MYO15A: variants seen among roughly 807,000 people sequenced by gnomAD.
MYO15A encodes unconventional myosin-XV.
A neutral mutation model predicts 394.6 loss-of-function variants in MYO15A; 308 were observed. That is an observed-to-expected ratio of 0.78 (90% CI 0.71 to 0.86). MYO15A has a LOEUF of 0.86. MYO15A is among the 40% of genes least tolerant of loss of function. The pLI, the probability that MYO15A is intolerant of heterozygous loss-of-function variation, is 0.00. For synonymous variants in MYO15A, 1,957 were observed against 2,003.8 expected (o/e 0.98, Z 0.62); for missense variants, 4,606 against 4,799.1 (o/e 0.96, Z 1.19).
intron 51 of MYO15A, 27 bp from the exon 52 acceptor site, chr17:18,158,496 G>A: frequency 6.2e-7 from 1 of 1,603,104 alleles, no homozygotes; most frequent in Non-Finnish European, 8.5e-7. Context: ...GCCGGACTGG[G>A]CCTTCCTAGC....
At chr17:18,151,320 T>C in intron 39 of MYO15A, 30 bp downstream of exon 39, 1 of 1,614,202 alleles carries the variant, frequency 6.2e-7, no homozygotes, top group Non-Finnish European at 8.5e-7. Flanking sequence ...CTCTGGGGCT[T>C]CCCAGGACAG....
chr17:18,110,358 A>G (rs575689779), intron 1 of MYO15A: 3 of 152,334 alleles, frequency 2.0e-5, no homozygotes, highest in Non-Finnish European at 4.4e-5. Flanking sequence ...CATGTGAGGC[A>G]GTGGTTGAGA....
rs964412600 is a variant in MYO15A, at chr17:18,179,052, A to T, written c.*182A>T. 1.5e-6 allele frequency: 1 copy of T among 661,780 alleles called. No individual in the cohort carries two copies. The highest frequency in any genetic ancestry group is 2.3e-5 in the Admixed American group (1 of 42,732). The allele number at this position is 661,780 out of a possible 1,614,324, so 41.0% of individuals were successfully genotyped here. ...ACAAGAAGACCCATCCTGAACTGGG[A>T]TGGAATGGCAGCATGCAAACTTGGA... is the stretch of plus-strand genomic sequence containing the variant. On this transcript the variant is annotated 3_prime_UTR_variant, in exon 66 of 66. Coordinates refer to ENST00000647165, the MANE Select transcript of MYO15A (RefSeq NM_016239.4).
intron 12 of MYO15A, among the ~76,000 whole-genome samples, chr17:18,135,429 C>A (rs2046246543): frequency 6.6e-6 from 1 of 152,034 alleles, no homozygotes; most frequent in African/African-American, 2.4e-5. Context: ...ACAACCTCCA[C>A]CTCCCGGGTT....
intron 13 of MYO15A, 40 bp downstream of exon 13, chr17:18,135,864 A>C: frequency 6.4e-7 from 1 of 1,567,492 alleles, no homozygotes; most frequent in Non-Finnish European, 8.7e-7. Flanking sequence ...AAAGCTTTCT[A>C]CCAGGGCCTG....
At chr17:18,141,543 C>A in intron 22 of MYO15A, 110 bp from the exon 23 acceptor site, 1 of 1,020,522 alleles carries the variant, frequency 9.8e-7, no homozygotes, top group Non-Finnish European at 1.6e-6. Flanking sequence ...TGTGGAGCCA[C>A]CACTGGGACC....
intron 17 of MYO15A, among the ~76,000 whole-genome samples, 179 bp from the exon 18 acceptor site, chr17:18,138,628 GCCTC>G (rs1381944285): frequency 6.6e-6 from 1 of 152,210 alleles, no homozygotes; most frequent in African/African-American, 2.4e-5. Flanking sequence ...GACCACTCAG[GCCTC>G]CAGTGCCTAG....
intron 18 of MYO15A, chr17:18,139,291 C>G: frequency 1.6e-6 from 1 of 618,902 alleles, no homozygotes; most frequent in Non-Finnish European, 3.0e-6. Flanking sequence ...TGCCTCTGTC[C>G]CCATCCGGGC....
chr17:18,125,649 G>A (rs569607519), intron 4 of MYO15A: 14 of 213,072 alleles, frequency 6.6e-5, no homozygotes, highest in African/African-American at 3.4e-4. Context: ...AGCTTGCAGT[G>A]AGCGGAGATC....
At position 18,121,417 on chromosome 17, in the gene MYO15A, C is replaced by T; in HGVS notation, c.2617C>T (p.Arg873Trp). The change falls in exon 2 of 66, where the codon CGG (arginine) becomes TGG (tryptophan). Residue 873 changes from arginine to tryptophan, a missense_variant. Around this residue, in one of 2 missense-constraint regions of MYO15A, gnomAD observed 1,830 missense variants for 1,689.7 expected, o/e 1.08. Transcript: ENST00000647165. The surrounding 1 kb of genome is among the most constrained non-coding windows in gnomAD (Gnocchi z 5.3). ...NLPSRLPHTW[R>W]RLSEPPTRAV... ...GCCCTCGCGCCTCCCGCACACGTGG[C>T]GGCGCCTCAGCGAGCCACCCACTCG... 6.5e-7 allele frequency: 1 copy of T among 1,542,202 alleles called. No individual in the cohort carries two copies. The highest frequency in any genetic ancestry group is 8.7e-7 in the Non-Finnish European group (1 of 1,145,828).
At chr17:18,125,326 T>C (rs1403153714) in intron 4 of MYO15A, 95 bp downstream of exon 4, 3 of 1,216,762 alleles carry the variant, frequency 2.5e-6, no homozygotes, top group Non-Finnish European at 3.6e-6. Context: ...TTGTGGGCCC[T>C]AGCCCCTGTG....
chr17:18,150,469 G>A lies in MYO15A; in HGVS notation c.7253G>A (p.Gly2418Glu), dbSNP rs377222336. 15 of 1,614,018 alleles carry A rather than the reference G, an allele frequency of 9.3e-6. No homozygotes were observed. In the African/African-American group the frequency reaches 1.6e-4, roughly 17 times the overall value. The change falls in exon 36 of 66, where the codon GGG becomes GAG. Residue 2418 changes from glycine (G) to glutamate (E), a missense_variant. By Grantham distance (98) the Gly-to-Glu change is moderately conservative. Transcript: ENST00000647165. This position sits in a 1 kb window ranked among gnomAD's most constrained non-coding sequence, Gnocchi z 4.4. ...KPTAIAYRMK[G>E]GGQPGGGSSS... ...ACAGCCATTGCCTACCGCATGAAAGGGGGAGGCCAGCCCGGTGGAGGCAGC... is the reference window on the plus strand; with the variant it reads ...ACAGCCATTGCCTACCGCATGAAAGAGGGAGGCCAGCCCGGTGGAGGCAGC...
chr17:18,172,334 C>A (rs1229067612), intron 64 of MYO15A, 44 bp downstream of exon 64: 1 of 1,613,992 alleles, frequency 6.2e-7, no homozygotes, highest in Non-Finnish European at 8.5e-7. Flanking sequence ...CCCTCTGTTC[C>A]CTGGTCCCCA....
chr17:18,154,250 G>A (rs192804058), intron 44 of MYO15A, 60 bp downstream of exon 44: 1 of 1,589,514 alleles, frequency 6.3e-7, no homozygotes. Flanking sequence ...TGGACGCAAA[G>A]ATGAGCTAGC....
chr17:18,136,324 C>T (rs1284590624), intron 13 of MYO15A, 93 bp from the exon 14 acceptor site: 2 of 1,488,452 alleles, frequency 1.3e-6, no homozygotes, highest in Admixed American at 3.4e-5. Flanking sequence ...TCCAGCCTCC[C>T]TTCTCCATGA....
intron 57 of MYO15A, 100 bp downstream of exon 57, chr17:18,161,547 A>C: frequency 6.5e-7 from 1 of 1,527,174 alleles, no homozygotes; most frequent in Non-Finnish European, 9.0e-7. Flanking sequence ...CTCGCTCTTC[A>C]CAGGTGCTGA....
chr17:18,141,921 C>T, intron 23 of MYO15A, 151 bp downstream of exon 23: 1 of 1,203,380 alleles, frequency 8.3e-7, no homozygotes, highest in Admixed American at 1.7e-5. Context: ...GATTCACCAG[C>T]ATCCTCTCTT....
chr17:18,132,546 A>C lies in MYO15A; in HGVS notation c.4300A>C (p.Thr1434Pro). 6.2e-7 allele frequency: 1 copy of C among 1,612,332 alleles called. No homozygotes were observed. Among genetic ancestry groups the C allele is most frequent in the East Asian group, 2.2e-5 (1 of 44,874 alleles). ...GGCCTTTAGCCTGCAAGAGGCTGAG[A>C]CCTACTACTATCTGAACCAGGTGAG... The part of the protein sequence containing the change: ...RQAFSLQEAE[T>P]YYYLNQGGNC... Residue 1434 changes from threonine (T) to proline (P), a missense_variant, in exon 11 of 66, where the codon ACC (threonine) becomes CCC (proline). By Grantham distance (38) the Thr-to-Pro change is conservative (BLOSUM62 -1). Coordinates refer to ENST00000647165, the MANE Select transcript of MYO15A (RefSeq NM_016239.4). The surrounding 1 kb of genome is among the most constrained non-coding windows in gnomAD (Gnocchi z 4.6).
At chr17:18,167,774 T>C (rs2046875867) in intron 62 of MYO15A, 51 bp downstream of exon 62, 1 of 1,598,202 alleles carries the variant, frequency 6.3e-7, no homozygotes, top group Admixed American at 1.7e-5. Context: ...AACCCTGCCC[T>C]CTCAGCCCAC....
Sources: allele counts gnomAD v4.1 joint callset (sites outside exome capture counted in the v4.1 genomes callset), GRCh38; gene constraint gnomAD v4.1.1; regional missense constraint gnomAD v4.1.1; non-coding constraint Gnocchi (gnomAD v3.1); transcripts MANE v1.5; gene names NCBI Gene and HGNC (gene_info 2026-07-23, HGNC 2026-07-21).